The following SPINK1 variants were observed in gnomAD, a reference collection of about 807,000 sequenced individuals.
SPINK1 encodes the protein serine peptidase inhibitor Kazal type 1, also known as serine protease inhibitor Kazal-type 1.
In SPINK1, 5 loss-of-function variants were observed where a neutral mutation model predicts 9.5. That is an observed-to-expected ratio of 0.52 (90% CI 0.27 to 1.10). SPINK1 has a LOEUF of 1.10. Ranked by LOEUF, SPINK1 falls within the 50% of genes least tolerant of loss-of-function variation. The probability of loss-of-function intolerance (pLI) is 0.11; values close to 1 mark genes in which losing one functional copy is unlikely to be tolerated. For synonymous variants in SPINK1, 37 were observed against 32.3 expected (o/e 1.14, Z -0.49); for missense variants, 88 against 92.7 (o/e 0.95, Z 0.21).
intron 2 of SPINK1, 68 bp from the exon 3 acceptor site, chr5:147,828,196 G>T (rs1756446598): frequency 8.2e-7 from 1 of 1,212,536 alleles, no homozygotes; most frequent in Non-Finnish European, 1.2e-6. Flanking sequence ...CAAAATCTCT[G>T]AAATGGTTTT....
chr5:147,837,650 T>C, the SPINK1 span, among the ~76,000 whole-genome samples: 4 of 20,408 alleles, frequency 2.0e-4, no homozygotes, highest in African/African-American at 6.4e-4. Context: ...ATTAACTTCT[T>C]TTCTTTCTTT....
chr5:147,831,730 C>G (rs1561606629), upstream of SPINK1: 10 of 1,502,372 alleles, frequency 6.7e-6, no homozygotes, highest in Admixed American at 2.1e-5. Flanking sequence ...TTGATTGACT[C>G]TGTGTCATAG....
At chr5:147,839,004 A>G in the SPINK1 span, among the ~76,000 whole-genome samples, 2 of 152,182 alleles carry the variant, frequency 1.3e-5, no homozygotes, top group South Asian at 4.2e-4. Context: ...TATTTCCCCT[A>G]ACATAGTCAC....
chr5:147,836,249 G>T (rs1352428946), upstream of SPINK1, among the ~76,000 whole-genome samples: 2 of 151,474 alleles, frequency 1.3e-5, no homozygotes, highest in Admixed American at 1.3e-4. Flanking sequence ...AGAGATTTCA[G>T]TTTTCTTGTT....
intron 1 of SPINK1, among the ~76,000 whole-genome samples, chr5:147,830,628 TATTA>T (rs1005028390): frequency 6.6e-6 from 1 of 152,148 alleles, no homozygotes; most frequent in Non-Finnish European, 1.5e-5. Context: ...CATCTATTTG[TATTA>T]ATTAACATGC....
upstream of SPINK1, chr5:147,831,714 T>G (rs1756512784): frequency 2.6e-6 from 4 of 1,519,130 alleles, no homozygotes; most frequent in African/African-American, 2.8e-5. Context: ...CAGATCTCCC[T>G]GGTTATTGAT....
At chr5:147,833,211 T>G (rs1230130212), upstream of SPINK1, among the ~76,000 whole-genome samples, 1 of 152,050 alleles carries the variant, frequency 6.6e-6, no homozygotes, top group African/African-American at 2.4e-5. Context: ...TTGAGAAACA[T>G]CCAGGAGGAC....
chr5:147,831,629 C>T lies in SPINK1; in HGVS notation c.-52G>A, dbSNP rs376017936. 59 of 1,608,668 alleles carry T rather than the reference C, an allele frequency of 3.7e-5. No individual in the cohort carries two copies. The Middle Eastern group carries it at 5.0e-4, about 14-fold the overall frequency. ...GTTGAAAACTGCACCGCACTTACCA[C>T]GTCTCTTCAGAAGCCTGGGACTGGA... On this transcript the variant is annotated 5_prime_UTR_variant, in exon 1 of 4. It adds an upstream start codon to the 5' untranslated region. Transcript: ENST00000296695.
upstream of SPINK1, among the ~76,000 whole-genome samples, chr5:147,832,239 C>G (rs1312399845): frequency 6.6e-6 from 1 of 152,110 alleles, no homozygotes; most frequent in African/African-American, 2.4e-5. Context: ...TCTGTGTATT[C>G]ATCTGGAAAT....
At chr5:147,833,105 G>A (rs1355465082), upstream of SPINK1, among the ~76,000 whole-genome samples, 2 of 152,060 alleles carry the variant, frequency 1.3e-5, no homozygotes, top group African/African-American at 2.4e-5. Context: ...TGAAGGAAAT[G>A]AGGATTTGAA....
intron 1 of SPINK1, among the ~76,000 whole-genome samples, chr5:147,831,212 T>C (rs1008837757): frequency 3.3e-5 from 5 of 152,224 alleles, no homozygotes; most frequent in Non-Finnish European, 7.3e-5. Context: ...ATTTACAGAA[T>C]GAGAAGTATA....
chr5:147,825,335 T>C (rs953929197), intron 3 of SPINK1, among the ~76,000 whole-genome samples: 4 of 152,184 alleles, frequency 2.6e-5, no homozygotes, highest in African/African-American at 4.8e-5. Flanking sequence ...TTTCTAACCA[T>C]TTTTTCTTTG....
upstream of SPINK1, among the ~76,000 whole-genome samples, chr5:147,835,082 GA>G (rs1383216282): frequency 6.6e-6 from 1 of 151,960 alleles, no homozygotes; most frequent in Non-Finnish European, 1.5e-5. Flanking sequence ...CTAAATTTGT[GA>G]TAGGGAATGG....
upstream of SPINK1, chr5:147,831,813 A>G: frequency 2.2e-6 from 3 of 1,389,462 alleles, no homozygotes; most frequent in Non-Finnish European, 2.8e-6. Flanking sequence ...TGAAACATGC[A>G]AGGCAAAGAT....
chr5:147,829,637 A>C lies in SPINK1; in HGVS notation c.56-7T>G. ...GAGTCAGCTCCAGTGTTACCTAGAA[A>C]TAAATCAGATATGGTAAGTTGGGTC... On this transcript the variant is annotated splice_polypyrimidine_tract_variant and splice_region_variant and intron_variant, in intron 1 of 3. Coordinates refer to ENST00000296695, the MANE Select transcript of SPINK1 (RefSeq NM_001379610.1). 1 of 1,611,606 alleles carries C rather than the reference A, an allele frequency of 6.2e-7. No individual in the cohort carries two copies. The highest frequency in any genetic ancestry group is 1.3e-5 in the African/African-American group (1 of 75,008).
upstream of SPINK1, chr5:147,831,805 A>C: frequency 7.1e-7 from 1 of 1,399,190 alleles, no homozygotes; most frequent in Non-Finnish European, 9.3e-7. Context: ...GGTGGGCCTG[A>C]AACATGCAAG....
chr5:147,838,087 C>A, the SPINK1 span, among the ~76,000 whole-genome samples: 1 of 152,138 alleles, frequency 6.6e-6, no homozygotes, highest in Non-Finnish European at 1.5e-5. Context: ...TGCCTCCCAT[C>A]AGCTCTTTTC....
At chr5:147,825,400 C>T (rs2127130385) in intron 3 of SPINK1, among the ~76,000 whole-genome samples, 1 of 151,576 alleles carries the variant, frequency 6.6e-6, no homozygotes, top group Non-Finnish European at 1.5e-5. Context: ...GGACATCTGA[C>T]TTCCATATAC....
the SPINK1 span, among the ~76,000 whole-genome samples, chr5:147,837,498 G>T: frequency 1.3e-5 from 2 of 152,120 alleles, no homozygotes; most frequent in South Asian, 4.1e-4. Context: ...ATAAGTGCCT[G>T]TGCCTACTTC....
Sources: allele counts gnomAD v4.1 joint callset (sites outside exome capture counted in the v4.1 genomes callset), GRCh38; gene constraint gnomAD v4.1.1; transcripts MANE v1.5; gene names NCBI Gene and HGNC (gene_info 2026-07-23, HGNC 2026-07-21).